ZNF417: variants seen among roughly 807,000 people sequenced by gnomAD.
The protein encoded by ZNF417 is zinc finger protein 417.
Under a neutral mutation model 7.4 loss-of-function variants are expected in ZNF417, and 5 were observed. The ratio of observed to expected loss-of-function variants is 0.68; its 90% confidence interval spans 0.35 to 1.43. ZNF417 has a LOEUF of 1.43. Among genes scored for constraint, ZNF417 ranks in the 40% most tolerant of loss-of-function variants. ZNF417 has a pLI of 0.04. For missense variants in ZNF417, 437 were observed against 697.3 expected (o/e 0.63, Z 4.20); for synonymous variants, 147 against 239.1 (o/e 0.61, Z 3.55).
At position 57,908,564 on chromosome 19, in the gene ZNF417, T is replaced by C. The variant is rs375074890; in HGVS notation, c.1714A>G (p.Arg572Gly). ...ATTCACTGCACTCATAAGGCCTTTCTCCTGTGTGAACTCTGATGATGAAGG... is the reference window on the plus strand; with the variant it reads ...ATTCACTGCACTCATAAGGCCTTTCCCCTGTGTGAACTCTGATGATGAAGG... ...TLLHHQSSHR[R>G]KAL The change falls in exon 3 of 3, where the codon AGA becomes GGA. Residue 572 changes from arginine (R) to glycine (G), a missense_variant. Arg to Gly is a moderately radical substitution (Grantham distance 125). Coordinates refer to ENST00000312026, the MANE Select transcript of ZNF417 (RefSeq NM_152475.3). The C allele has an allele frequency of 6.2e-7, 1 of 1,614,200 alleles. No individual in the cohort carries two copies. The highest frequency in any genetic ancestry group is 8.5e-7 in the Non-Finnish European group (1 of 1,180,020).
At chr19:57,916,222 CCCACT>C (rs2071946307) in intron 1 of ZNF417, among the ~76,000 whole-genome samples, 152 bp downstream of exon 1, 1 of 144,328 alleles carries the variant, frequency 6.9e-6, no homozygotes, top group African/African-American at 2.9e-5. Context: ...CACAGGGACC[CCCACT>C]GGACAGTTAC....
At chr19:57,911,195 C>A (rs529465346) in intron 2 of ZNF417, among the ~76,000 whole-genome samples, 23 of 152,084 alleles carry the variant, frequency 1.5e-4, no homozygotes, top group African/African-American at 3.9e-4. Context: ...GATGAAAGCA[C>A]AAGAAAAATG....
chr19:57,916,360 C>G lies in ZNF417; in HGVS notation c.33+19G>C. 1.2e-6 allele frequency: 2 copies of G among 1,614,180 alleles called. No homozygotes were observed. The highest frequency in any genetic ancestry group is 1.7e-6 in the Non-Finnish European group (2 of 1,180,050). ...GTGACGATGGGGTGACCTGAGGGCA[C>G]AGAAGGCGCCACAATTACCTGAGTC... is the stretch of plus-strand genomic sequence containing the variant. On this transcript the variant is annotated intron_variant, in intron 1 of 2. Coordinates refer to ENST00000312026, the MANE Select transcript of ZNF417 (RefSeq NM_152475.3).
intron 1 of ZNF417, among the ~76,000 whole-genome samples, chr19:57,914,283 C>T (rs552330516): frequency 5.9e-5 from 9 of 151,786 alleles, no homozygotes; most frequent in African/African-American, 1.9e-4. Context: ...GTCAGGAGTT[C>T]GAGACCAGTC....
chr19:57,913,802 CGTAA>C (rs1366551331), intron 1 of ZNF417, among the ~76,000 whole-genome samples: 1 of 152,078 alleles, frequency 6.6e-6, no homozygotes, highest in South Asian at 2.1e-4. Context: ...CACTCAGGGA[CGTAA>C]GTAAGAGATC....
rs144143286 is a variant in ZNF417 at position 57,914,346 on chromosome 19, C to T, written c.33+2033G>A. Among the ~76,000 whole-genome samples, 506 of 151,846 alleles carry T rather than the reference C, an allele frequency of 3.3e-3. 7 individuals are homozygous for T. The highest frequency in any genetic ancestry group is 0.011 in the African/African-American group (467 of 41,410). ...ACTAAAAATACAAAAATTAGCTGGG[C>T]GTGGTGGCAAGCACCTGTAATCCCA... On this transcript the variant is annotated intron_variant, in intron 1 of 2. Transcript: ENST00000312026.
intron 1 of ZNF417, chr19:57,915,357 G>T: frequency 4.0e-6 from 1 of 251,988 alleles, no homozygotes; most frequent in Non-Finnish European, 7.7e-6. Context: ...ACAGCCCTCG[G>T]CCTGCTTACT....
In ZNF417 at chr19:57,916,533, C is replaced by A. The variant is rs181964445; in HGVS notation, c.-122G>T. On this transcript the variant is annotated 5_prime_UTR_variant, in exon 1 of 3. Coordinates refer to ENST00000312026, the MANE Select transcript of ZNF417 (RefSeq NM_152475.3). ...TAGGTTCAGTCACCGCGGTCCCCCC[C>A]CAGCACTCAGGGGCCACAAACTGGG... 5.7e-3 allele frequency: 8,987 copies of A among 1,563,192 alleles called. 30 individuals carry two copies. The highest frequency in any genetic ancestry group is 7.1e-3 in the Non-Finnish European group (8,164 of 1,155,386).
chr19:57,910,000 G>C lies in ZNF417; in HGVS notation c.278C>G (p.Pro93Arg), dbSNP rs763522700. 2.5e-6 allele frequency: 4 copies of C among 1,590,290 alleles called. No homozygotes were observed. Among genetic ancestry groups the C allele is most frequent in the Non-Finnish European group, 3.4e-6 (4 of 1,168,146 alleles). ...RAGVSPKKAHPCEMCGLILED... is the reference protein window; with the variant it reads ...RAGVSPKKAHRCEMCGLILED... The stretch of plus-strand genomic sequence containing the variant: ...CAAGATGAGGCCACACATTTCACAG[G>C]GGTGAGCCTTCTTAGGAGAAACACC... Residue 93 changes from proline to arginine, a missense_variant, in exon 3 of 3, where the codon CCC (proline) becomes CGC (arginine). This residue lies in a region of ZNF417 where 60 missense variants were observed against 266.0 expected (regional missense o/e 0.23). Coordinates refer to ENST00000312026, the MANE Select transcript of ZNF417 (RefSeq NM_152475.3).
rs1307102683 is a variant in ZNF417 at position 57,916,519 on chromosome 19, A to T, written c.-108T>A. Reference sequence around the variant, plus strand: ...TCCTCTCCACCTTCTAGGTTCAGTCACCGCGGTCCCCCCCCAGCACTCAGG... The same window carrying T: ...TCCTCTCCACCTTCTAGGTTCAGTCTCCGCGGTCCCCCCCCAGCACTCAGG... On this transcript the variant is annotated 5_prime_UTR_variant, in exon 1 of 3. Transcript: ENST00000312026. 1 of 1,585,244 alleles carries T rather than the reference A, an allele frequency of 6.3e-7. No individual in the cohort carries two copies. The highest frequency in any genetic ancestry group is 2.3e-5 in the East Asian group (1 of 44,076).
rs780472593 is a variant in ZNF417, at chr19:57,908,658, T to G, written c.1620A>C (p.Arg540Ser). The part of the protein sequence containing the change: ...AECSSLIKHR[R>S]IHTGERPYEC... ...CATAAGGCCTTTCTCCAGTGTGAAT[T>G]CTCCTGTGTTTAATGAGACTGGAAC... Residue 540 changes from arginine to serine, a missense_variant, in exon 3 of 3, where the codon AGA (arginine) becomes AGC (serine). Coordinates refer to ENST00000312026, the MANE Select transcript of ZNF417 (RefSeq NM_152475.3). 3 of 1,613,740 alleles carry G rather than the reference T, an allele frequency of 1.9e-6. No homozygotes were observed. The highest frequency in any genetic ancestry group is 1.7e-6 in the Non-Finnish European group (2 of 1,179,934).
chr19:57,913,088 A>C (rs1252024071), intron 1 of ZNF417, among the ~76,000 whole-genome samples: 3 of 151,826 alleles, frequency 2.0e-5, no homozygotes, highest in Non-Finnish European at 4.4e-5. Flanking sequence ...CTGTTAGGCT[A>C]GGATACATTA....
chr19:57,916,436 C>T lies in ZNF417; in HGVS notation c.-25G>A, dbSNP rs773481811. On this transcript the variant is annotated 5_prime_UTR_variant, in exon 1 of 3. Coordinates refer to ENST00000312026, the MANE Select transcript of ZNF417 (RefSeq NM_152475.3). ...TCGGACTACTTGGGGAAGCACGGCC[C>T]GGGAGCAGTGGTCGCCGTCACGGGG... is the stretch of plus-strand genomic sequence containing the variant. 1.2e-5 allele frequency: 20 copies of T among 1,613,808 alleles called. No individual in the cohort carries two copies. The East Asian group carries it at 2.7e-4, about 22-fold the overall frequency.
intron 1 of ZNF417, among the ~76,000 whole-genome samples, chr19:57,913,602 G>A (rs2071918666): frequency 6.6e-6 from 1 of 152,224 alleles, no homozygotes; most frequent in Admixed American, 6.5e-5. Flanking sequence ...TCCAGACAGT[G>A]ATAAATAGTT....
At chr19:57,916,220 C>T (rs1052168435) in intron 1 of ZNF417, among the ~76,000 whole-genome samples, 159 bp downstream of exon 1, 1 of 144,266 alleles carries the variant, frequency 6.9e-6, no homozygotes, top group African/African-American at 2.9e-5. Flanking sequence ...TACACAGGGA[C>T]CCCCACTGGA....
chr19:57,911,864 C>T (rs1223470530), intron 2 of ZNF417, among the ~76,000 whole-genome samples, 196 bp downstream of exon 2: 6 of 152,212 alleles, frequency 3.9e-5, no homozygotes, highest in Non-Finnish European at 7.3e-5. Context: ...ACTCTGACTC[C>T]TTCCCTGGGA....
chr19:57,910,532 G>GC (rs1016925435), intron 2 of ZNF417, among the ~76,000 whole-genome samples: 8 of 152,074 alleles, frequency 5.3e-5, no homozygotes, highest in African/African-American at 1.9e-4. Context: ...GGATAACAGA[G>GC]CGAGACTCCA....
At position 57,907,527 on chromosome 19, in the gene ZNF417, T is replaced by G. The variant is rs1330336582; in HGVS notation, c.*1023A>C. 1 of 154,860 alleles carries G rather than the reference T, an allele frequency of 6.5e-6. No homozygotes were observed. Among genetic ancestry groups the G allele is most frequent in the African/African-American group, 2.4e-5 (1 of 41,546 alleles). The allele number at this position is 154,860 out of a possible 1,614,324, so 9.6% of individuals were successfully genotyped here. On this transcript the variant is annotated 3_prime_UTR_variant, in exon 3 of 3. Transcript: ENST00000312026. ...GATTCTAGGCAGCCCTCAGGGAAGC[T>G]GAGGAGGTGGCTCCCTGCCTCCGGG...
In ZNF417 at chr19:57,916,324, T is replaced by G. The variant is rs2071947594; in HGVS notation, c.33+55A>C. 5 of 1,613,816 alleles carry G rather than the reference T, an allele frequency of 3.1e-6. No individual in the cohort carries two copies. In the African/African-American group the frequency reaches 6.7e-5, roughly 22 times the overall value. ...GAGCAGGAGCCGCTCCCTCGCTGGT[T>G]TAGGACCTGGGTGACGATGGGGTGA... On this transcript the variant is annotated intron_variant, in intron 1 of 2. Coordinates refer to ENST00000312026, the MANE Select transcript of ZNF417 (RefSeq NM_152475.3).
Sources: allele counts gnomAD v4.1 joint callset (sites outside exome capture counted in the v4.1 genomes callset), GRCh38; gene constraint gnomAD v4.1.1; regional missense constraint gnomAD v4.1.1; transcripts MANE v1.5; gene names NCBI Gene and HGNC (gene_info 2026-07-23, HGNC 2026-07-21).